ARHGEF12: variants seen among roughly 807,000 people sequenced by gnomAD.
ARHGEF12 encodes Rho guanine nucleotide exchange factor 12, also known as KMT2A/ARHGEF12 fusion protein.
A neutral mutation model predicts 211.2 loss-of-function variants in ARHGEF12; 66 were observed. The ratio of observed to expected loss-of-function variants is 0.31; its 90% CI spans 0.26 to 0.38. The LOEUF (loss-of-function observed/expected upper bound fraction) is 0.38. Among genes scored for constraint, ARHGEF12 ranks in the 10% least tolerant of loss-of-function variants. ARHGEF12 has a pLI of 1.00. For synonymous variants in ARHGEF12, 592 were observed against 638.4 expected (o/e 0.93, Z 1.09); for missense variants, 1,429 against 1,869.5 (o/e 0.76, Z 4.34).
chr11:120,483,833 C>G (rs560496367), intron 39 of ARHGEF12, among the ~76,000 whole-genome samples: 1 of 152,290 alleles, frequency 6.6e-6, no homozygotes, highest in Non-Finnish European at 1.5e-5. Flanking sequence ...CCTGGATGGT[C>G]TCGATCTCCT....
chr11:120,484,005 T>C (rs989042685), intron 39 of ARHGEF12, among the ~76,000 whole-genome samples: 6 of 152,218 alleles, frequency 3.9e-5, no homozygotes, highest in Non-Finnish European at 8.8e-5. Flanking sequence ...TCCACCTGCC[T>C]CGGCCTCCCA....
intron 1 of ARHGEF12, among the ~76,000 whole-genome samples, chr11:120,401,719 T>C (rs983986429): frequency 2.0e-5 from 3 of 152,186 alleles, no homozygotes; most frequent in Admixed American, 6.5e-5. Flanking sequence ...GTGCAGATTG[T>C]AACCTGATCT....
At chr11:120,409,299 T>C in intron 3 of ARHGEF12, 95 bp from the exon 4 acceptor site, 1 of 1,258,176 alleles carries the variant, frequency 7.9e-7, no homozygotes, top group Non-Finnish European at 1.1e-6. Flanking sequence ...CGATTTAACT[T>C]GATCATGATT....
intron 1 of ARHGEF12, among the ~76,000 whole-genome samples, chr11:120,340,336 A>G (rs1450855104): frequency 6.6e-6 from 1 of 152,238 alleles, no homozygotes; most frequent in African/African-American, 2.4e-5. Context: ...GGGACAGTAC[A>G]GGTAGGAAAG....
In ARHGEF12 at chr11:120,420,806, A is replaced by G; in HGVS notation, c.253A>G (p.Thr85Ala). ...IQKDDNGFGL[T>A]VSGDNPVFVQ... ...GAAAGATGACAATGGATTTGGGCTG[A>G]CGGTCAGTGGAGACAATCCAGTCTT... The change falls in exon 5 of 41, where the codon ACG becomes GCG. Residue 85 changes from threonine (T) to alanine (A), a missense_variant. Transcript: ENST00000397843. The G allele has an allele frequency of 6.2e-7, 1 of 1,614,118 alleles. No homozygotes were observed. The highest frequency in any genetic ancestry group is 8.5e-7 in the Non-Finnish European group (1 of 1,179,996).
intron 17 of ARHGEF12, 48 bp downstream of exon 17, chr11:120,446,556 T>G (rs1419509730): frequency 6.9e-7 from 1 of 1,456,694 alleles, no homozygotes. Flanking sequence ...CTAAATTAAT[T>G]TTTTTAGTTA....
chr11:120,424,984 G>A (rs1945295439), intron 7 of ARHGEF12, among the ~76,000 whole-genome samples: 1 of 152,082 alleles, frequency 6.6e-6, no homozygotes, highest in African/African-American at 2.4e-5. Flanking sequence ...TGATCTTCAG[G>A]TTTGAGTGAA....
At chr11:120,359,558 G>A (rs1022276042) in intron 1 of ARHGEF12, among the ~76,000 whole-genome samples, 1 of 152,128 alleles carries the variant, frequency 6.6e-6, no homozygotes, top group Admixed American at 6.5e-5. Flanking sequence ...TGGTCATTTT[G>A]GAGGCTTCCC....
At chr11:120,474,426 T>C in intron 31 of ARHGEF12, 134 bp from the exon 32 acceptor site, 1 of 583,420 alleles carries the variant, frequency 1.7e-6, no homozygotes, top group Non-Finnish European at 2.9e-6. Flanking sequence ...AACTGACAAA[T>C]AGCAATAATG....
intron 2 of ARHGEF12, among the ~76,000 whole-genome samples, 186 bp downstream of exon 2, chr11:120,406,327 T>C (rs368898712): frequency 1.1e-4 from 16 of 152,282 alleles, no homozygotes; most frequent in African/African-American, 3.6e-4. Context: ...AGCATTGTTT[T>C]GATAATACTT....
intron 39 of ARHGEF12, among the ~76,000 whole-genome samples, chr11:120,483,097 C>A (rs1947297249): frequency 1.3e-5 from 2 of 152,164 alleles, no homozygotes; most frequent in South Asian, 4.2e-4. Context: ...AGTGTACTTA[C>A]ACAAACCTAG....
Position 120,479,950 on chromosome 11 carries a change from A to T in ARHGEF12, c.3767-10A>T. On this transcript the variant is annotated splice_polypyrimidine_tract_variant and intron_variant, in intron 37 of 40. Coordinates refer to ENST00000397843, the MANE Select transcript of ARHGEF12 (RefSeq NM_015313.3). The stretch of plus-strand genomic sequence containing the variant: ...ATGTTTTTTTTCCCCCTCCTTCCTA[A>T]ATCGTTTAGTGGGTTTGTTGAAGCA... The T allele has an allele frequency of 2.5e-6, 4 of 1,601,690 alleles. No individual in the cohort carries two copies. The highest frequency in any genetic ancestry group is 3.4e-6 in the Non-Finnish European group (4 of 1,171,528).
intron 1 of ARHGEF12, among the ~76,000 whole-genome samples, chr11:120,402,607 G>A (rs4381380): frequency 0.41 from 61,930 of 151,978 alleles, 12,913 homozygotes; most frequent in African/African-American, 0.48. Flanking sequence ...TTATTAAGAA[G>A]AACCAACTAC....
chr11:120,446,617 G>A, intron 17 of ARHGEF12, 109 bp downstream of exon 17: 1 of 804,396 alleles, frequency 1.2e-6, no homozygotes, highest in Non-Finnish European at 1.9e-6. Flanking sequence ...AAACCATATG[G>A]TCTTATTGTT....
At chr11:120,360,331 A>G (rs534162636) in intron 1 of ARHGEF12, among the ~76,000 whole-genome samples, 3 of 152,360 alleles carry the variant, frequency 2.0e-5, no homozygotes, top group Non-Finnish European at 2.9e-5. Context: ...GTGATTTGCC[A>G]TAGGCTTATA....
rs1026578596 is a variant in ARHGEF12 at position 120,336,858 on chromosome 11, C to G, written c.-386C>G. On this transcript the variant is annotated 5_prime_UTR_variant, in exon 1 of 41. Coordinates refer to ENST00000397843, the MANE Select transcript of ARHGEF12 (RefSeq NM_015313.3). ...CGGGGAGTTCGAGGCCCCGAGACTC[C>G]GGAGGAGGAGCCGACACCCGTCCGT... 2.7e-6 allele frequency: 1 copy of G among 375,620 alleles called. No homozygotes were observed. The allele number at this position is 375,620 out of a possible 1,614,324, so 23.3% of individuals were successfully genotyped here.
intron 7 of ARHGEF12, 140 bp from the exon 8 acceptor site, chr11:120,427,929 A>G (rs1469131955): frequency 9.8e-6 from 6 of 611,630 alleles, no homozygotes; most frequent in Admixed American, 3.1e-5. Context: ...CTGTGGAGAC[A>G]TGATGTAGCA....
intron 31 of ARHGEF12, 124 bp downstream of exon 31, chr11:120,473,251 T>A (rs972439942): frequency 2.7e-5 from 23 of 839,588 alleles, no homozygotes; most frequent in Non-Finnish European, 4.0e-5. Context: ...AGATTATCTG[T>A]ATTTATGATT....
At chr11:120,407,965 G>A (rs949413198) in intron 3 of ARHGEF12, 142 bp downstream of exon 3, 1 of 641,358 alleles carries the variant, frequency 1.6e-6, no homozygotes, top group Non-Finnish European at 2.6e-6. Context: ...TCATAATAAA[G>A]CCTTTGCATT....
Sources: allele counts gnomAD v4.1 joint callset (sites outside exome capture counted in the v4.1 genomes callset), GRCh38; gene constraint gnomAD v4.1.1; transcripts MANE v1.5; gene names NCBI Gene and HGNC (gene_info 2026-07-23, HGNC 2026-07-21).